The following CLCN2 variants were observed in gnomAD, a reference collection of about 807,000 sequenced individuals.
The protein encoded by CLCN2 is chloride voltage-gated channel 2.
CLCN2 carries 72 observed loss-of-function variants against 108.3 expected under a neutral mutation model. That is an observed-to-expected ratio of 0.66 (90% confidence interval 0.55 to 0.81). The LOEUF is 0.81. CLCN2 is among the 30% of genes least tolerant of loss of function. The pLI is 0.00. For missense variants in CLCN2, 1,048 were observed against 1,205.2 expected, an observed-to-expected ratio of 0.87 and a Z score of 1.93; for synonymous variants, 471 against 467.1, an observed-to-expected ratio of 1.01 and a Z score of -0.11.
At chr3:184,353,629 G>A in intron 16 of CLCN2, 33 bp downstream of exon 16, 1 of 1,610,678 alleles carries the variant, frequency 6.2e-7, no homozygotes, top group Non-Finnish European at 8.5e-7. Context: ...CCTGGGCAAT[G>A]CCCCTAGCAC....
At chr3:184,359,369 G>A (rs1433360034) in intron 1 of CLCN2, among the ~76,000 whole-genome samples, 1 of 152,226 alleles carries the variant, frequency 6.6e-6, no homozygotes, top group Non-Finnish European at 1.5e-5. Context: ...GGGGGTGGCA[G>A]AATAATCGGT....
At position 184,355,883 on chromosome 3, in the gene CLCN2, A is replaced by G; in HGVS notation, c.1086-105T>C. The G allele has an allele frequency of 1.1e-6, 1 of 891,484 alleles. No individual in the cohort carries two copies. Among genetic ancestry groups the G allele is most frequent in the Middle Eastern group, 2.1e-4 (1 of 4,696 alleles). The allele number at this position is 891,484 out of a possible 1,614,324, so 55.2% of individuals were successfully genotyped here. On this transcript the variant is annotated intron_variant, in intron 10 of 23. Transcript: ENST00000265593. This position sits in a 1 kb window ranked among gnomAD's most constrained non-coding sequence, Gnocchi z 6.3. ...AGAGCCTTGGCTCTTTCATGAAAAC[A>G]CTCAGTCCTGACAGAAGGTCTCCTT... is the stretch of plus-strand genomic sequence containing the variant.
intron 15 of CLCN2, 40 bp from the exon 16 acceptor site, chr3:184,353,835 G>A (rs755395602): frequency 6.3e-7 from 1 of 1,594,720 alleles, no homozygotes; most frequent in Non-Finnish European, 8.5e-7. Flanking sequence ...GGTCAGCATG[G>A]GGAGAGGTGC....
At chr3:184,357,161 C>G in intron 9 of CLCN2, 21 bp downstream of exon 9, 9 of 1,612,816 alleles carry the variant, frequency 5.6e-6, no homozygotes, top group Non-Finnish European at 7.6e-6. Context: ...TCTGATACCC[C>G]CAGCCCCCTC....
chr3:184,346,410 A>T lies in CLCN2; in HGVS notation c.*196T>A. The stretch of plus-strand genomic sequence containing the variant: ...GGGCCTATCTTCCTGCCTCTGGAAG[A>T]CTTGTTGCAGGTGGGTAGTGGGTCA... On this transcript the variant is annotated 3_prime_UTR_variant, in exon 24 of 24. Coordinates refer to ENST00000265593, the MANE Select transcript of CLCN2 (RefSeq NM_004366.6). This position sits in a 1 kb window ranked among gnomAD's most constrained non-coding sequence, Gnocchi z 6.0. The T allele has an allele frequency of 1.5e-6, 1 of 655,272 alleles. No individual in the cohort carries two copies. The highest frequency in any genetic ancestry group is 2.7e-6 in the Non-Finnish European group (1 of 368,892). 40.6% of individuals were successfully genotyped at this position (655,272 alleles called of 1,614,324 possible).
rs1272142410 is a variant in CLCN2, at chr3:184,346,787, A to G, written c.2516T>C (p.Ile839Thr). 6.2e-7 allele frequency: 1 copy of G among 1,613,900 alleles called. No homozygotes were observed. The highest frequency in any genetic ancestry group is 1.3e-5 in the African/African-American group (1 of 74,886). Residue 839 changes from isoleucine to threonine, a missense_variant, in exon 24 of 24, where the codon ATC (isoleucine) becomes ACC (threonine). Transcript: ENST00000265593. The surrounding 1 kb of genome is among the most constrained non-coding windows in gnomAD (Gnocchi z 6.0). ...ACCCTGTGCTGTGACAGAGCCCTCG[A>G]TGGCCTTCCGGAGCTGGAAAGGTGA... Reference protein sequence around the residue: ...IVTLKELRKAIEGSVTAQGVK... With the variant: ...IVTLKELRKATEGSVTAQGVK...
intron 22 of CLCN2, chr3:184,347,811 T>C (rs1316029570): frequency 6.6e-6 from 1 of 152,572 alleles, no homozygotes; most frequent in African/African-American, 2.4e-5. Context: ...CATCTTCCCA[T>C]GTTTTTCTTG....
At position 184,354,194 on chromosome 3, in the gene CLCN2, G is replaced by C; in HGVS notation, c.1628C>G (p.Ala543Gly). 6.2e-7 allele frequency: 1 copy of C among 1,613,490 alleles called. No homozygotes were observed. Among genetic ancestry groups the C allele is most frequent in the South Asian group, 1.1e-5 (1 of 91,048 alleles). ...PVMIAVILANAVAQSLQPSLY... is the reference protein window; with the variant it reads ...PVMIAVILANGVAQSLQPSLY... ...GGAGGGCTGCAGACTCTGGGCGACA[G>C]CGTTGGCCAGGATGACGGCGATCAT... Residue 543 changes from alanine to glycine, a missense_variant, in exon 15 of 24, where the codon GCT becomes GGT. Coordinates refer to ENST00000265593, the MANE Select transcript of CLCN2 (RefSeq NM_004366.6).
At chr3:184,360,300 G>A (rs142510771) in intron 1 of CLCN2, among the ~76,000 whole-genome samples, 63 of 152,178 alleles carry the variant, frequency 4.1e-4, no homozygotes, top group Middle Eastern at 6.8e-3. Flanking sequence ...GCTCGACCCT[G>A]AGAGCTCATT....
At position 184,346,965 on chromosome 3, in the gene CLCN2, G is replaced by A; in HGVS notation, c.2472C>T (p.Gly824=). 6.2e-7 allele frequency: 1 copy of A among 1,614,106 alleles called. No individual in the cohort carries two copies. The highest frequency in any genetic ancestry group is 8.5e-7 in the Non-Finnish European group (1 of 1,179,954). Residue 824 remains glycine, a synonymous_variant, in exon 23 of 24, where the codon GGC becomes GGT. Coordinates refer to ENST00000265593, the MANE Select transcript of CLCN2 (RefSeq NM_004366.6). The surrounding 1 kb of genome is among the most constrained non-coding windows in gnomAD (Gnocchi z 6.0). ...GVDHAYVTSI[G]RLIGIVTLKE... ...TTAGAGTAACGATTCCAATGAGTCT[G>A]CCAATACTGGTGACATAAGCATGGT...
At chr3:184,359,555 A>G (rs61447276) in intron 1 of CLCN2, among the ~76,000 whole-genome samples, 28,872 of 152,230 alleles carry the variant, frequency 0.19, 3,778 homozygotes, top group African/African-American at 0.38. Flanking sequence ...AGCTCGGGGC[A>G]GCTGAGTTGG....
chr3:184,354,849 G>T (rs1306967243), intron 13 of CLCN2, 55 bp downstream of exon 13: 2 of 1,573,616 alleles, frequency 1.3e-6, no homozygotes, highest in Non-Finnish European at 1.7e-6. Flanking sequence ...GGCTGGGGGG[G>T]TGGCCAGAGG....
chr3:184,348,436 A>G (rs1727847398), intron 22 of CLCN2: 1 of 146,702 alleles, frequency 6.8e-6, no homozygotes, highest in Non-Finnish European at 1.5e-5. Flanking sequence ...ATAGTGAGCC[A>G]TGATCGTGCC....
In CLCN2 at chr3:184,353,255, A is replaced by G. The variant is rs747103429; in HGVS notation, c.2023T>C (p.Phe675Leu). The change falls in exon 17 of 24, where the codon TTC (phenylalanine) becomes CTC (leucine). Residue 675 changes from phenylalanine (F) to leucine (L), a missense_variant. By Grantham distance (22) the Phe-to-Leu change is conservative. Coordinates refer to ENST00000265593, the MANE Select transcript of CLCN2 (RefSeq NM_004366.6). ...GPPTPEASVC[F>L]QVNTEDSAFP... is the part of the protein sequence containing the mutation. ...TTTGTGGCTTTTCCCCTCACCTGGA[A>G]GCAGACAGAAGCCTCAGGGGTAGGG... The G allele has an allele frequency of 1.9e-6, 3 of 1,614,068 alleles. No individual in the cohort carries two copies. Among genetic ancestry groups the G allele is most frequent in the South Asian group, 2.2e-5 (2 of 91,090 alleles).
At position 184,355,669 on chromosome 3, in the gene CLCN2, A is replaced by G. The variant is rs1728494292; in HGVS notation, c.1170+25T>C. 6.2e-7 allele frequency: 1 copy of G among 1,613,136 alleles called. No individual in the cohort carries two copies. Among genetic ancestry groups the G allele is most frequent in the Non-Finnish European group, 8.5e-7 (1 of 1,179,240 alleles). Reference sequence around the variant, plus strand: ...GGAATGCCTTCCAAGGGAAAGCACAAAACTCCTGTTCTGCCTGTGGTTACC... The same window carrying G: ...GGAATGCCTTCCAAGGGAAAGCACAGAACTCCTGTTCTGCCTGTGGTTACC... On this transcript the variant is annotated intron_variant, in intron 11 of 23. Transcript: ENST00000265593. The surrounding 1 kb of genome is among the most constrained non-coding windows in gnomAD (Gnocchi z 6.3).
chr3:184,346,532 G>C lies in CLCN2; in HGVS notation c.*74C>G. 6.4e-7 allele frequency: 1 copy of C among 1,558,824 alleles called. No individual in the cohort carries two copies. Among genetic ancestry groups the C allele is most frequent in the South Asian group, 1.1e-5 (1 of 89,828 alleles). On this transcript the variant is annotated 3_prime_UTR_variant, in exon 24 of 24. Transcript: ENST00000265593. The surrounding 1 kb of genome is among the most constrained non-coding windows in gnomAD (Gnocchi z 6.0). ...TGTAGCTGCCTCCTGCCTTCCGAAG[G>C]CAGAAGGAATGAAAGATGCACATTC... is the stretch of plus-strand genomic sequence containing the variant.
At chr3:184,353,880 C>T in intron 15 of CLCN2, 85 bp from the exon 16 acceptor site, 1 of 1,555,666 alleles carries the variant, frequency 6.4e-7, no homozygotes, top group Non-Finnish European at 8.7e-7. Flanking sequence ...ACAAGGAGGG[C>T]TCCAGAGCCC....
At chr3:184,360,950 G>C (rs2108580632) in intron 1 of CLCN2, among the ~76,000 whole-genome samples, 1 of 152,334 alleles carries the variant, frequency 6.6e-6, no homozygotes, top group South Asian at 2.1e-4. Flanking sequence ...AGCCTCCAGA[G>C]GTAGGGTCTG....
In CLCN2 at chr3:184,361,045, G is replaced by A. The variant is rs1712015277; in HGVS notation, c.63+372C>T. On this transcript the variant is annotated intron_variant, in intron 1 of 23. Transcript: ENST00000265593. The surrounding 1 kb of genome is among the most constrained non-coding windows in gnomAD (Gnocchi z 6.6). ...AGGGACACAGAGAATGTCTTGGGTG[G>A]TGGAGATAGTGGCGTAGAGAAAGTT... Among the ~76,000 whole-genome samples, 1 of 152,254 alleles carries A rather than the reference G, an allele frequency of 6.6e-6. No homozygotes were observed. The highest frequency in any genetic ancestry group is 2.4e-5 in the African/African-American group (1 of 41,462).
Sources: gnomAD v4.1 joint callset for allele counts (sites outside exome capture counted in the v4.1 genomes callset) on GRCh38, gnomAD v4.1.1 for gene constraint, Gnocchi (gnomAD v3.1) non-coding constraint, MANE v1.5 for transcripts, NCBI Gene and HGNC (gene_info 2026-07-23, HGNC 2026-07-21) for gene names.